NFU1: variants seen among roughly 807,000 people sequenced by gnomAD.
The protein encoded by NFU1 is NFU1 iron-sulfur cluster scaffold homolog, mitochondrial.
A neutral mutation model predicts 32.2 loss-of-function variants in NFU1; 30 were observed. The ratio of observed to expected loss-of-function variants is 0.93; its 90% CI spans 0.70 to 1.26. The LOEUF (loss-of-function observed/expected upper bound fraction) is 1.26. NFU1 is among the 50% of genes most tolerant of loss of function. The probability of loss-of-function intolerance (pLI) is 0.00; values close to 1 mark genes in which losing one functional copy is unlikely to be tolerated. For missense variants in NFU1, 306 were observed against 306.6 expected (o/e 1.00, Z 0.02); for synonymous variants, 112 against 104.6 (o/e 1.07, Z -0.43).
chr2:69,403,629 C>T (rs570249937), intron 6 of NFU1, among the ~76,000 whole-genome samples: 1 of 152,204 alleles, frequency 6.6e-6, no homozygotes, highest in Admixed American at 6.5e-5. Context: ...AGCAATCCTC[C>T]TACCTCAGCC....
At chr2:69,399,935 C>T (rs547258089) in intron 7 of NFU1, among the ~76,000 whole-genome samples, 3 of 151,778 alleles carry the variant, frequency 2.0e-5, no homozygotes, top group South Asian at 4.2e-4. Flanking sequence ...TGCAATGGCG[C>T]GATCTCGGCT....
At chr2:69,413,703 G>A (rs1672964121) in intron 5 of NFU1, among the ~76,000 whole-genome samples, 1 of 152,190 alleles carries the variant, frequency 6.6e-6, no homozygotes, top group Non-Finnish European at 1.5e-5. Flanking sequence ...AGGCTGCAGT[G>A]AACTGAGATC....
In NFU1 at chr2:69,402,026, T is replaced by C. The variant is rs1174869585; in HGVS notation, c.546-1488A>G. ...CTCCTGCCTCAGACTCCCAGATAGC[T>C]GGGATCACAGGCATGCACCAATACC... On this transcript the variant is annotated intron_variant, in intron 6 of 7. Coordinates refer to ENST00000410022, the MANE Select transcript of NFU1 (RefSeq NM_001002755.4). Among the ~76,000 whole-genome samples the C allele has an allele frequency of 1.3e-5, 2 of 152,080 alleles. 1 individual carries two copies. The highest frequency in any genetic ancestry group is 2.9e-5 in the Non-Finnish European group (2 of 68,012).
At chr2:69,427,254 A>G (rs6546521) in intron 2 of NFU1, among the ~76,000 whole-genome samples, 99,960 of 150,698 alleles carry the variant, frequency 0.66, 34,276 homozygotes, top group African/African-American at 0.85. Flanking sequence ...GCGTGGTGGC[A>G]GGCGCCTGTA....
chr2:69,412,047 A>T (rs1490977124), intron 5 of NFU1, among the ~76,000 whole-genome samples: 2 of 152,054 alleles, frequency 1.3e-5, no homozygotes, highest in Admixed American at 1.3e-4. Flanking sequence ...TCTCATCTCC[A>T]CAAAAAAAAA....
At chr2:69,437,841 T>G (rs777595284), upstream of NFU1, among the ~76,000 whole-genome samples, 3 of 152,202 alleles carry the variant, frequency 2.0e-5, no homozygotes, top group Non-Finnish European at 4.4e-5. Context: ...CCCTGGAGCA[T>G]TCCTTCTAAA....
At chr2:69,397,534 C>A (rs542692683) in intron 7 of NFU1, among the ~76,000 whole-genome samples, 1 of 152,148 alleles carries the variant, frequency 6.6e-6, no homozygotes, top group South Asian at 2.1e-4. Context: ...TAAAAATGTT[C>A]CTCAGTCAAT....
chr2:69,439,146 T>G (rs1673966263), upstream of NFU1, among the ~76,000 whole-genome samples: 1 of 152,050 alleles, frequency 6.6e-6, no homozygotes, highest in African/African-American at 2.4e-5. Context: ...GCACTCTTAG[T>G]CTCTAGTTTT....
intron 1 of NFU1, among the ~76,000 whole-genome samples, chr2:69,435,366 A>G (rs1348787269): frequency 6.6e-6 from 1 of 152,224 alleles, no homozygotes; most frequent in Non-Finnish European, 1.5e-5. Context: ...CATACACAAG[A>G]TCACATTTAT....
chr2:69,400,020 C>A, intron 7 of NFU1, among the ~76,000 whole-genome samples: 1 of 152,100 alleles, frequency 6.6e-6, no homozygotes, highest in African/African-American at 2.4e-5. Flanking sequence ...TTACAGGCGT[C>A]TGCCACCATG....
chr2:69,415,841 T>C (rs1440580836), intron 4 of NFU1, among the ~76,000 whole-genome samples: 4 of 152,028 alleles, frequency 2.6e-5, no homozygotes, highest in Admixed American at 2.6e-4. Context: ...TTAAGAAGCT[T>C]TTCCTGGTCA....
At chr2:69,412,616 A>C (rs1346879472) in intron 5 of NFU1, among the ~76,000 whole-genome samples, 1 of 151,726 alleles carries the variant, frequency 6.6e-6, no homozygotes, top group African/African-American at 2.4e-5. Context: ...CGAACTCCTG[A>C]CCTCGTGATC....
At chr2:69,420,398 GC>G (rs1239374584) in intron 3 of NFU1, among the ~76,000 whole-genome samples, 1 of 152,136 alleles carries the variant, frequency 6.6e-6, no homozygotes. Context: ...ATTAATTGGG[GC>G]TTTTTTACTT....
rs749796927 is a variant in NFU1, at chr2:69,415,250, G to C, written c.419C>G (p.Thr140Arg). Residue 140 changes from threonine (T) to arginine (R), a missense_variant, in exon 5 of 8, where the codon ACA becomes AGA. Transcript: ENST00000410022. ...WNLLKPDIYA[T>R]IMDFFASGLP... ...GCCAGATGCAAAGAAGTCCATGATT[G>C]TTGCATAAATATCTGGTTTCAGTAA... 8.7e-6 allele frequency: 14 copies of C among 1,612,658 alleles called. No individual in the cohort carries two copies. The highest frequency in any genetic ancestry group is 1.2e-5 in the Non-Finnish European group (14 of 1,178,950).
In NFU1 at chr2:69,416,275, T is replaced by C. The variant is rs528851336; in HGVS notation, c.370-976A>G. 1.2e-3 allele frequency: 184 copies of C among 148,742 alleles called. 1 individual carries two copies. Among genetic ancestry groups the C allele is most frequent in the Middle Eastern group, 3.6e-3 (1 of 280 alleles). The allele number at this position is 148,742 out of a possible 1,614,324, so 9.2% of individuals were successfully genotyped here. Reference sequence around the variant, plus strand: ...ATCTTAAAGATCCCCCATTCATTAATTCATTCACTTATTATTATTAATAAT... The same window carrying C: ...ATCTTAAAGATCCCCCATTCATTAACTCATTCACTTATTATTATTAATAAT... On this transcript the variant is annotated intron_variant, in intron 4 of 7. Coordinates refer to ENST00000410022, the MANE Select transcript of NFU1 (RefSeq NM_001002755.4).
intron 1 of NFU1, among the ~76,000 whole-genome samples, chr2:69,436,678 ACT>A (rs1167322560): frequency 1.3e-5 from 2 of 152,140 alleles, no homozygotes; most frequent in Non-Finnish European, 2.9e-5. Flanking sequence ...TAGAGGGCAA[ACT>A]CTCCGTAGGC....
chr2:69,438,585 G>A (rs1232960080), upstream of NFU1, among the ~76,000 whole-genome samples: 2 of 152,066 alleles, frequency 1.3e-5, no homozygotes, highest in African/African-American at 4.8e-5. Flanking sequence ...ACCCTTCCCA[G>A]GATTCTGATG....
At chr2:69,438,910 C>T (rs1314864916), upstream of NFU1, among the ~76,000 whole-genome samples, 14 of 126,186 alleles carry the variant, frequency 1.1e-4, no homozygotes, top group South Asian at 4.2e-3. Context: ...CCACCCACCC[C>T]CCCACACACA....
Position 69,430,417 on chromosome 2 carries a change from T to C in NFU1, c.166+1485A>G, listed in dbSNP as rs114426714. Reference sequence around the variant, plus strand: ...TTTGTAAAGACAGGGTTTGACCATGTTGCTGAGGCTGGTCTTGAACTTCTT... The same window carrying C: ...TTTGTAAAGACAGGGTTTGACCATGCTGCTGAGGCTGGTCTTGAACTTCTT... On this transcript the variant is annotated intron_variant, in intron 2 of 7. Coordinates refer to ENST00000410022, the MANE Select transcript of NFU1 (RefSeq NM_001002755.4). Among the ~76,000 whole-genome samples the C allele has an allele frequency of 3.5e-3, 529 of 152,192 alleles. 2 individuals carry two copies. The highest frequency in any genetic ancestry group is 0.012 in the African/African-American group (511 of 41,538).
Sources: allele counts gnomAD v4.1 joint callset (sites outside exome capture counted in the v4.1 genomes callset), GRCh38; gene constraint gnomAD v4.1.1; transcripts MANE v1.5; gene names NCBI Gene and HGNC (gene_info 2026-07-23, HGNC 2026-07-21).